The following CHRM3 variants were observed in gnomAD, a reference collection of about 807,000 sequenced individuals.
The protein encoded by CHRM3 is cholinergic receptor muscarinic 3, also known as muscarinic acetylcholine receptor M3.
Under a neutral mutation model 41.8 loss-of-function variants are expected in CHRM3, and 11 were observed. That is an observed-to-expected ratio of 0.26 (90% CI 0.17 to 0.44). The LOEUF (loss-of-function observed/expected upper bound fraction) is 0.44, where lower values mean the gene tolerates loss of function less well. CHRM3 is among the 20% of genes least tolerant of loss of function. The pLI is 1.00. For missense variants in CHRM3, 571 were observed against 745.4 expected (o/e 0.77, Z 2.72); for synonymous variants, 297 against 301.4 (o/e 0.99, Z 0.15).
At chr1:239,881,282 C>CAAAAAAAAAAAAA (rs71567253) in intron 6 of CHRM3, among the ~76,000 whole-genome samples, 2 of 33,988 alleles carry the variant, frequency 5.9e-5, no homozygotes, top group African/African-American at 1.1e-4. Context: ...GACTCCGTCT[C>CAAAAAAAAAAAAA]AAAAAAAAAA....
At chr1:239,474,047 G>A (rs1666309038) in intron 1 of CHRM3, among the ~76,000 whole-genome samples, 1 of 151,708 alleles carries the variant, frequency 6.6e-6, no homozygotes. Flanking sequence ...TGTTGAGCAT[G>A]GATTTTTAAA....
chr1:239,877,437 A>C (rs1677200326), intron 6 of CHRM3, among the ~76,000 whole-genome samples: 1 of 151,980 alleles, frequency 6.6e-6, no homozygotes, highest in Non-Finnish European at 1.5e-5. Flanking sequence ...AAAAAAAAAG[A>C]AAGGAGAGAA....
At chr1:239,427,958 G>A (rs576949748) in intron 1 of CHRM3, among the ~76,000 whole-genome samples, 1 of 152,244 alleles carries the variant, frequency 6.6e-6, no homozygotes, top group Non-Finnish European at 1.5e-5. Context: ...GCACACATGA[G>A]GTTATGAAAT....
intron 5 of CHRM3, among the ~76,000 whole-genome samples, chr1:239,784,458 C>T (rs534294263): frequency 6.6e-6 from 1 of 152,212 alleles, no homozygotes; most frequent in South Asian, 2.1e-4. Flanking sequence ...ACATTTACAG[C>T]TAACTCAGGT....
chr1:239,548,691 T>C (rs72756754), intron 3 of CHRM3, among the ~76,000 whole-genome samples: 3,838 of 152,278 alleles, frequency 0.025, 54 homozygotes, highest in Middle Eastern at 0.037. Context: ...GTTGCTGTGT[T>C]GCTGTCCCTT....
chr1:239,763,877 C>T (rs1458886246), intron 5 of CHRM3, among the ~76,000 whole-genome samples: 1 of 151,610 alleles, frequency 6.6e-6, no homozygotes, highest in Non-Finnish European at 1.5e-5. Flanking sequence ...AGGAGGATCA[C>T]TTGAGGCCAG....
rs1054705599 is a variant in CHRM3 at position 239,673,623 on chromosome 1, AT to A, written c.-249-4560del. On this transcript the variant is annotated intron_variant, in intron 4 of 6. Coordinates refer to ENST00000676153, the MANE Select transcript of CHRM3 (RefSeq NM_001375978.1). ...AAGAATGAGATTATGATTTTAATGT[AT>A]TTATAATTACTCTGCCCTAGAACAA... Among the ~76,000 whole-genome samples, 25 of 152,134 alleles carry A rather than the reference AT, an allele frequency of 1.6e-4. 1 individual carries two copies. Among genetic ancestry groups the A allele is most frequent in the African/African-American group, 4.8e-5 (2 of 41,432 alleles).
At chr1:239,404,719 A>AATATATAT (rs67746016) in intron 1 of CHRM3, among the ~76,000 whole-genome samples, 2,104 of 97,134 alleles carry the variant, frequency 0.022, 42 homozygotes, top group Non-Finnish European at 0.028. Flanking sequence ...GCTATATCTA[A>AATATATAT]ATATATATAT....
chr1:239,899,297 GTGTGTGTGTGTA>G (rs1014433409), intron 6 of CHRM3, among the ~76,000 whole-genome samples: 11 of 138,158 alleles, frequency 8.0e-5, no homozygotes, highest in African/African-American at 3.2e-4. Context: ...GTGTGTGTGT[GTGTGTGTGTGTA>G]TATACACACA....
chr1:239,555,841 G>A (rs1398816525), intron 3 of CHRM3, among the ~76,000 whole-genome samples: 2 of 152,146 alleles, frequency 1.3e-5, no homozygotes, highest in African/African-American at 2.4e-5. Flanking sequence ...CCTGGGTGAA[G>A]CCAAAAACCC....
At chr1:239,551,474 A>C (rs1992547) in intron 3 of CHRM3, among the ~76,000 whole-genome samples, 146,110 of 150,992 alleles carry the variant, frequency 0.97, 70,730 homozygotes, top group East Asian at 1. Context: ...TGTTATTATT[A>C]TTGTAGATTT....
chr1:239,407,417 T>TATATATATATATATATAGAG lies in CHRM3; in HGVS notation c.-521+20191_-521+20192insTATATATATATATATAGAGA. ...ACCAATGACTATAAATATATATATA[T>TATATATATATATATATAGAG]AGAGAGAGAGAGAGAGAGAGAGAGC... is the stretch of plus-strand genomic sequence containing the variant. On this transcript the variant is annotated intron_variant, in intron 1 of 6. Transcript: ENST00000676153. 9.7e-5 allele frequency among the ~76,000 whole-genome samples: 13 copies of TATATATATATATATATAGAG among 134,210 alleles called. No individual in the cohort carries two copies. In the South Asian group the frequency reaches 2.9e-3, roughly 30 times the overall value. The allele number at this position is 134,210 out of a possible 152,430, so 88.0% of individuals were successfully genotyped here.
At chr1:239,649,597 G>A (rs1672057996) in intron 4 of CHRM3, among the ~76,000 whole-genome samples, 1 of 152,152 alleles carries the variant, frequency 6.6e-6, no homozygotes, top group Admixed American at 6.5e-5. Context: ...GGCAGGACCT[G>A]GGACCATGTG....
intron 4 of CHRM3, among the ~76,000 whole-genome samples, chr1:239,637,454 C>A (rs1670580856): frequency 6.8e-6 from 1 of 146,250 alleles, no homozygotes; most frequent in Non-Finnish European, 1.5e-5. Flanking sequence ...ATTCCTTGAT[C>A]AAATGGTACA....
intron 2 of CHRM3, among the ~76,000 whole-genome samples, chr1:239,530,391 C>T (rs989072254): frequency 1.3e-5 from 2 of 152,096 alleles, no homozygotes; most frequent in African/African-American, 2.4e-5. Context: ...TTTATGTTGA[C>T]ATTTAAAAGA....
chr1:239,683,222 G>A (rs570067016), intron 5 of CHRM3, among the ~76,000 whole-genome samples: 1 of 152,242 alleles, frequency 6.6e-6, no homozygotes, highest in East Asian at 1.9e-4. Context: ...TTTGTGGAAT[G>A]AGTAAATGAA....
chr1:239,614,676 A>C (rs746110710), intron 3 of CHRM3, among the ~76,000 whole-genome samples: 12 of 152,208 alleles, frequency 7.9e-5, no homozygotes, highest in Non-Finnish European at 1.8e-4. Context: ...TCCTAACTCC[A>C]TTCTTTCCTT....
At chr1:239,425,330 G>T (rs977557581) in intron 1 of CHRM3, among the ~76,000 whole-genome samples, 4 of 151,724 alleles carry the variant, frequency 2.6e-5, no homozygotes, top group East Asian at 1.9e-4. Flanking sequence ...TCATTCACTC[G>T]GTATTTACTG....
At chr1:239,608,783 CA>C (rs1233232416) in intron 3 of CHRM3, among the ~76,000 whole-genome samples, 1 of 152,108 alleles carries the variant, frequency 6.6e-6, no homozygotes, top group Non-Finnish European at 1.5e-5. Context: ...AACTATTAGA[CA>C]GAATGTTTGC....
Sources: allele counts gnomAD v4.1 joint callset (sites outside exome capture counted in the v4.1 genomes callset), GRCh38; gene constraint gnomAD v4.1.1; transcripts MANE v1.5; gene names NCBI Gene and HGNC (gene_info 2026-07-23, HGNC 2026-07-21).